The following RAET1E variants were observed in gnomAD, a reference collection of about 807,000 sequenced individuals.
RAET1E encodes the protein retinoic acid early transcript 1E, also known as NKG2D ligand 4.
In RAET1E, 27 loss-of-function variants were observed where a neutral mutation model predicts 21.1. The ratio of observed to expected loss-of-function variants is 1.28; its 90% confidence interval spans 0.94 to 1.76. The LOEUF (loss-of-function observed/expected upper bound fraction) is 1.76, where lower values mean the gene tolerates loss of function less well. Among genes scored for constraint, RAET1E ranks in the 40% most tolerant of loss-of-function variants. The probability of loss-of-function intolerance (pLI) is 0.00; values close to 1 mark genes in which losing one functional copy is unlikely to be tolerated. For missense variants in RAET1E, 310 were observed against 311.3 expected, an observed-to-expected ratio of 1.00 and a Z score of 0.03; for synonymous variants, 113 against 115.0, an observed-to-expected ratio of 0.98 and a Z score of 0.11.
In RAET1E at chr6:149,888,568, A is replaced by C. The variant is rs185785793; in HGVS notation, c.722T>G (p.Ile241Ser). The change falls in exon 6 of 6, where the codon ATT becomes AGT. Residue 241 changes from isoleucine (I) to serine (S), a missense_variant. Coordinates refer to ENST00000357183, the MANE Select transcript of RAET1E (RefSeq NM_001394057.1). ...GAFILLVLMG[I>S]VLICVWWQNG... ...TTGCCACCAGACACAGATGAGAACA[A>C]TTCCCATTAAAACTAACAGGATGAA... is the stretch of plus-strand genomic sequence containing the variant. 2 of 1,613,630 alleles carry C rather than the reference A, an allele frequency of 1.2e-6. No individual in the cohort carries two copies. Among genetic ancestry groups the C allele is most frequent in the Non-Finnish European group, 1.7e-6 (2 of 1,179,938 alleles).
Position 149,888,324 on chromosome 6 carries a change from C to T in RAET1E, c.*174G>A, listed in dbSNP as rs147720267. On this transcript the variant is annotated 3_prime_UTR_variant, in exon 6 of 6. Transcript: ENST00000357183. ...CCAGATCTTTGACCTTGCCCCTCCT[C>T]GAGAGGAGATGATTGCTTCATCCCT... 7.5e-4 allele frequency: 616 copies of T among 822,986 alleles called. 4 individuals are homozygous for T. The African/African-American group carries it at 8.3e-3, about 11-fold the overall frequency. 51.0% of individuals were successfully genotyped at this position (822,986 alleles called of 1,614,324 possible).
chr6:149,895,575 G>A (rs564702817), intron 2 of RAET1E: 1 of 152,162 alleles, frequency 6.6e-6, no homozygotes. Flanking sequence ...GTCCTACTGG[G>A]GCCAAGACCT....
At position 149,883,210 on chromosome 6, in the gene RAET1E, G is replaced by C. The variant is rs2115471223; in HGVS notation, c.*5288C>G. Reference sequence around the variant, plus strand: ...TGCAAATAAGTTTATAATTTGTAAAGATCTGATAAAAATTATCAGATGATA... The same window carrying C: ...TGCAAATAAGTTTATAATTTGTAAACATCTGATAAAAATTATCAGATGATA... On this transcript the variant is annotated 3_prime_UTR_variant, in exon 6 of 6. Coordinates refer to ENST00000357183, the MANE Select transcript of RAET1E (RefSeq NM_001394057.1). 6.6e-6 allele frequency among the ~76,000 whole-genome samples: 1 copy of C among 152,188 alleles called. No homozygotes were observed. The highest frequency in any genetic ancestry group is 1.9e-4 in the East Asian group (1 of 5,184).
rs764967104 is a variant in RAET1E at position 149,888,167 on chromosome 6, G to T, written c.*331C>A. The T allele has an allele frequency of 3.0e-5, 17 of 573,094 alleles. No homozygotes were observed. Among genetic ancestry groups the T allele is most frequent in the Admixed American group, 1.9e-4 (10 of 52,066 alleles). The allele number at this position is 573,094 out of a possible 1,614,324, so 35.5% of individuals were successfully genotyped here. ...AAGCGCCACCAGCAAGTCTTCTCAGGGTGAACGGGAAAAGGGGATGGGACC... is the reference window on the plus strand; with the variant it reads ...AAGCGCCACCAGCAAGTCTTCTCAGTGTGAACGGGAAAAGGGGATGGGACC... On this transcript the variant is annotated 3_prime_UTR_variant, in exon 6 of 6. Coordinates refer to ENST00000357183, the MANE Select transcript of RAET1E (RefSeq NM_001394057.1).
At position 149,891,723 on chromosome 6, in the gene RAET1E, C is replaced by CA. The variant is rs199607586; in HGVS notation, c.-133-690dup. ...GCAACATAGTAAGACTCCATCTCTA[C>CA]AAAAAAAAATTTTTTTTTATTATAC... On this transcript the variant is annotated intron_variant, in intron 2 of 5. Coordinates refer to ENST00000357183, the MANE Select transcript of RAET1E (RefSeq NM_001394057.1). Among the ~76,000 whole-genome samples, 1,173 of 151,996 alleles carry CA rather than the reference C, an allele frequency of 7.7e-3. 19 individuals carry two copies. Among genetic ancestry groups the CA allele is most frequent in the African/African-American group, 0.026 (1,097 of 41,430 alleles).
chr6:149,892,321 C>A (rs1777938793), intron 2 of RAET1E, among the ~76,000 whole-genome samples: 1 of 152,240 alleles, frequency 6.6e-6, no homozygotes, highest in African/African-American at 2.4e-5. Flanking sequence ...TACACTCCCA[C>A]CAACAGTGTA....
rs561874354 is a variant in RAET1E at position 149,885,250 on chromosome 6, T to C, written c.*3248A>G. ...GTGACCCTGGTTTAAAGCCCGACTT[T>C]GCCAAACCGCTGTGGATGCATTAAT... On this transcript the variant is annotated 3_prime_UTR_variant, in exon 6 of 6. Transcript: ENST00000357183. Among the ~76,000 whole-genome samples the C allele has an allele frequency of 4.8e-3, 581 of 121,418 alleles. 4 individuals carry two copies. Among genetic ancestry groups the C allele is most frequent in the African/African-American group, 0.016 (547 of 33,242 alleles). The allele number at this position is 121,418 out of a possible 152,430, so 79.7% of individuals were successfully genotyped here.
At position 149,886,315 on chromosome 6, in the gene RAET1E, T is replaced by G. The variant is rs1777605872; in HGVS notation, c.*2183A>C. On this transcript the variant is annotated 3_prime_UTR_variant, in exon 6 of 6. Coordinates refer to ENST00000357183, the MANE Select transcript of RAET1E (RefSeq NM_001394057.1). ...AGGATTTTTCCAGATAGCTTCCTGC[T>G]GTTGATTTCTAGTTTATTTCCATTG... is the stretch of plus-strand genomic sequence containing the variant. Among the ~76,000 whole-genome samples the G allele has an allele frequency of 6.6e-6, 1 of 152,272 alleles. No individual in the cohort carries two copies. The highest frequency in any genetic ancestry group is 1.5e-5 in the Non-Finnish European group (1 of 68,052).
In RAET1E at chr6:149,884,996, G is replaced by A. The variant is rs1191099620; in HGVS notation, c.*3502C>T. Among the ~76,000 whole-genome samples the A allele has an allele frequency of 6.6e-6, 1 of 152,110 alleles. No individual in the cohort carries two copies. The highest frequency in any genetic ancestry group is 1.9e-4 in the East Asian group (1 of 5,200). On this transcript the variant is annotated 3_prime_UTR_variant, in exon 6 of 6. Coordinates refer to ENST00000357183, the MANE Select transcript of RAET1E (RefSeq NM_001394057.1). ...TTCTGCTCACAATCCCCTCTCCCAC[G>A]GTCTGTGTGGCCCTGCCTCCAGCCT...
intron 2 of RAET1E, among the ~76,000 whole-genome samples, chr6:149,893,281 T>C (rs1777984102): frequency 1.3e-5 from 2 of 152,226 alleles, no homozygotes; most frequent in South Asian, 2.1e-4. Context: ...AATCTATAAA[T>C]TACTTTGGGC....
intron 2 of RAET1E, among the ~76,000 whole-genome samples, chr6:149,893,982 C>T (rs1778013647): frequency 6.6e-6 from 1 of 152,132 alleles, no homozygotes; most frequent in Admixed American, 6.5e-5. Context: ...GTCATCGGTT[C>T]TGTTTATGTG....
Position 149,886,732 on chromosome 6 carries a change from T to C in RAET1E, c.*1766A>G, listed in dbSNP as rs1777626829. Reference sequence around the variant, plus strand: ...ATGATCCAAAAATGGCCCTTCTTGGTGAATGTCCCTGTGTATTTGAAAAGA... The same window carrying C: ...ATGATCCAAAAATGGCCCTTCTTGGCGAATGTCCCTGTGTATTTGAAAAGA... On this transcript the variant is annotated 3_prime_UTR_variant, in exon 6 of 6. Coordinates refer to ENST00000357183, the MANE Select transcript of RAET1E (RefSeq NM_001394057.1). Among the ~76,000 whole-genome samples, 1 of 152,210 alleles carries C rather than the reference T, an allele frequency of 6.6e-6. No homozygotes were observed. The highest frequency in any genetic ancestry group is 2.1e-4 in the South Asian group (1 of 4,832).
chr6:149,896,575 C>T (rs776931672), intron 1 of RAET1E, among the ~76,000 whole-genome samples: 2 of 152,062 alleles, frequency 1.3e-5, no homozygotes, highest in South Asian at 2.1e-4. Flanking sequence ...TCACTGCTAC[C>T]GCCCTGCCAA....
intron 1 of RAET1E, among the ~76,000 whole-genome samples, chr6:149,896,615 T>G (rs1427334524): frequency 6.6e-6 from 1 of 151,140 alleles, no homozygotes; most frequent in Non-Finnish European, 1.5e-5. Flanking sequence ...CCAGCGGGGG[T>G]GGGCCAAGAA....
chr6:149,884,309 A>AAT lies in RAET1E; in HGVS notation c.*4188_*4189insAT. 14 of 487,154 alleles carry AAT rather than the reference A, an allele frequency of 2.9e-5. No homozygotes were observed. The highest frequency in any genetic ancestry group is 8.1e-5 in the South Asian group (3 of 37,098). 30.2% of individuals were successfully genotyped at this position (487,154 alleles called of 1,614,324 possible). ...TTTAAAAAATATGTACTGAAAAAAA[A>AAT]TTTTTTTTTTTTGAGACGGAGTCTT... On this transcript the variant is annotated 3_prime_UTR_variant, in exon 6 of 6. Coordinates refer to ENST00000357183, the MANE Select transcript of RAET1E (RefSeq NM_001394057.1).
At chr6:149,894,430 G>A (rs765349181) in intron 2 of RAET1E, among the ~76,000 whole-genome samples, 3 of 152,092 alleles carry the variant, frequency 2.0e-5, no homozygotes, top group Non-Finnish European at 2.9e-5. Flanking sequence ...TGTAGATTTG[G>A]TCTTTTCACA....
chr6:149,890,265 C>T, intron 3 of RAET1E, 120 bp from the exon 4 acceptor site: 1 of 1,017,028 alleles, frequency 9.8e-7, no homozygotes, highest in Non-Finnish European at 1.5e-6. Flanking sequence ...GCAGCTCCAT[C>T]CCAGACTCCC....
chr6:149,890,255 G>T, intron 3 of RAET1E, 110 bp from the exon 4 acceptor site: 2 of 1,198,690 alleles, frequency 1.7e-6, no homozygotes, highest in Non-Finnish European at 1.2e-6. Context: ...CAGAGGCGGG[G>T]CAGCTCCATC....
At chr6:149,897,036 G>A in intron 1 of RAET1E, among the ~76,000 whole-genome samples, 1 of 152,300 alleles carries the variant, frequency 6.6e-6, no homozygotes. Context: ...GTAGATTTTT[G>A]TTTGTTTTGT....
Sources: allele counts gnomAD v4.1 joint callset (sites outside exome capture counted in the v4.1 genomes callset), GRCh38; gene constraint gnomAD v4.1.1; transcripts MANE v1.5; gene names NCBI Gene and HGNC (gene_info 2026-07-23, HGNC 2026-07-21).